MCM5: variants seen among roughly 807,000 people sequenced by gnomAD.
MCM5 encodes minichromosome maintenance complex component 5.
MCM5 carries 46 observed loss-of-function variants against 79.9 expected under a neutral mutation model. The ratio of observed to expected loss-of-function variants is 0.58; its 90% CI spans 0.45 to 0.74. The LOEUF is 0.74. Ranked by LOEUF, MCM5 falls within the 30% of genes least tolerant of loss-of-function variation. The pLI, the probability that MCM5 is intolerant of heterozygous loss-of-function variation, is 0.00. For synonymous variants in MCM5, 404 were observed against 390.5 expected (o/e 1.03, Z -0.41); for missense variants, 883 against 1,017.0 (o/e 0.87, Z 1.79).
intron 6 of MCM5, among the ~76,000 whole-genome samples, chr22:35,408,933 TC>T (rs1157437040): frequency 2.6e-5 from 4 of 151,280 alleles, no homozygotes; most frequent in Non-Finnish European, 5.9e-5. Flanking sequence ...CAAAGCCTCT[TC>T]CCAGCCTGAC....
At chr22:35,413,246 G>A (rs1033529854) in intron 8 of MCM5, among the ~76,000 whole-genome samples, 3 of 152,002 alleles carry the variant, frequency 2.0e-5, no homozygotes, top group African/African-American at 7.3e-5. Context: ...GGGTTTCACC[G>A]TGTTAGCCAG....
chr22:35,436,206 A>G, the MCM5 span, among the ~76,000 whole-genome samples: 1 of 151,700 alleles, frequency 6.6e-6, no homozygotes, highest in African/African-American at 2.4e-5. Flanking sequence ...ATGGAGGGAA[A>G]ATGGCTAGCC....
chr22:35,418,404 A>G (rs4645801), intron 13 of MCM5, among the ~76,000 whole-genome samples: 5,550 of 152,212 alleles, frequency 0.036, 118 homozygotes, highest in Non-Finnish European at 0.048. Flanking sequence ...CTCACGCTGT[A>G]ATCCCAGCAC....
chr22:35,403,765 T>C lies in MCM5; in HGVS notation c.423+223T>C, dbSNP rs563479715. Among the ~76,000 whole-genome samples, 10 of 152,342 alleles carry C rather than the reference T, an allele frequency of 6.6e-5. No individual in the cohort carries two copies. In the South Asian group the frequency reaches 1.9e-3, roughly 28 times the overall value. ...AATCCCATAAAGCTTCACCCAGATTTAATAATTAACATTTTGTGTTGTTTC... is the reference window on the plus strand; with the variant it reads ...AATCCCATAAAGCTTCACCCAGATTCAATAATTAACATTTTGTGTTGTTTC... On this transcript the variant is annotated intron_variant, in intron 4 of 16. Transcript: ENST00000216122.
At chr22:35,428,131 C>T (rs1261095339), downstream of MCM5, among the ~76,000 whole-genome samples, 3 of 151,562 alleles carry the variant, frequency 2.0e-5, no homozygotes, top group Non-Finnish European at 4.4e-5. Flanking sequence ...AGCGATTCTC[C>T]TGCCTCAGCC....
chr22:35,412,142 A>G (rs1601757160), intron 7 of MCM5, among the ~76,000 whole-genome samples: 1 of 151,968 alleles, frequency 6.6e-6, no homozygotes, highest in African/African-American at 2.4e-5. Flanking sequence ...GTTCGTCTCC[A>G]CCTTGCCCTA....
rs1932277954 is a variant in MCM5 at position 35,408,334 on chromosome 22, C to T, written c.597-74C>T. On this transcript the variant is annotated intron_variant, in intron 5 of 16. Coordinates refer to ENST00000216122, the MANE Select transcript of MCM5 (RefSeq NM_006739.4). ...GCCGCTGGCAACGTCTCCTTGCTGGCTCCTGGGATGAATGAGCCCTGCCTT... is the reference window on the plus strand; with the variant it reads ...GCCGCTGGCAACGTCTCCTTGCTGGTTCCTGGGATGAATGAGCCCTGCCTT... 38 of 1,461,448 alleles carry T rather than the reference C, an allele frequency of 2.6e-5. No individual in the cohort carries two copies. The South Asian group carries it at 3.4e-4, about 13-fold the overall frequency. The allele number at this position is 1,461,448 out of a possible 1,614,324, so 90.5% of individuals were successfully genotyped here. A position where few individuals can be genotyped will look rare whatever the true frequency, so the allele number is the denominator to read the frequency against.
chr22:35,407,296 C>T (rs1179165614), intron 5 of MCM5, among the ~76,000 whole-genome samples: 8 of 152,168 alleles, frequency 5.3e-5, no homozygotes, highest in Admixed American at 3.3e-4. Flanking sequence ...CCACCTGTGG[C>T]ACAGCTGCCT....
chr22:35,400,290 T>G (rs1175952475), intron 1 of MCM5, 82 bp downstream of exon 1: 4 of 841,096 alleles, frequency 4.8e-6, no homozygotes, highest in African/African-American at 1.7e-5. Context: ...GGACAGGAGT[T>G]TCTCGGGAAC....
rs143129675 is a variant in MCM5 at position 35,421,475 on chromosome 22, G to A, written c.1975+15G>A. On this transcript the variant is annotated intron_variant, in intron 15 of 16. Coordinates refer to ENST00000216122, the MANE Select transcript of MCM5 (RefSeq NM_006739.4). Reference sequence around the variant, plus strand: ...TACCCTGTCAGGTGAGCAGATGCAGGGGCCATGGTCTCAATTGATCTGGGT... The same window carrying A: ...TACCCTGTCAGGTGAGCAGATGCAGAGGCCATGGTCTCAATTGATCTGGGT... 12 of 1,613,946 alleles carry A rather than the reference G, an allele frequency of 7.4e-6. No individual in the cohort carries two copies. The highest frequency in any genetic ancestry group is 1.6e-4 in the Middle Eastern group (1 of 6,062).
chr22:35,405,105 A>G (rs897605994), intron 4 of MCM5, among the ~76,000 whole-genome samples: 8 of 147,906 alleles, frequency 5.4e-5, no homozygotes, highest in African/African-American at 1.0e-4. Context: ...AGCTCACTGC[A>G]ACTTCCGCCT....
rs1209643071 is a variant in MCM5, at chr22:35,400,173, T to C, written c.-44T>C. 3 of 471,540 alleles carry C rather than the reference T, an allele frequency of 6.4e-6. No individual in the cohort carries two copies. The highest frequency in any genetic ancestry group is 6.0e-5 in the African/African-American group (3 of 49,926). The allele number at this position is 471,540 out of a possible 1,614,324, so 29.2% of individuals were successfully genotyped here. ...CTCGGCGGCTGAGCGTGGAGGTTCT[T>C]GTCTCCCCTGGTTTGTGAAGTGCGG... On this transcript the variant is annotated 5_prime_UTR_variant, in exon 1 of 17. Coordinates refer to ENST00000216122, the MANE Select transcript of MCM5 (RefSeq NM_006739.4).
chr22:35,412,501 C>T lies in MCM5; in HGVS notation c.920-9C>T. 1 of 1,528,870 alleles carries T rather than the reference C, an allele frequency of 6.5e-7. No homozygotes were observed. The highest frequency in any genetic ancestry group is 8.8e-7 in the Non-Finnish European group (1 of 1,135,770). The allele number at this position is 1,528,870 out of a possible 1,614,324, so 94.7% of individuals were successfully genotyped here. ...TGTACTCACTCATGCGCCTGCTTTG[C>T]CTACCAAGGCCGCAGCTTTGCTGGG... On this transcript the variant is annotated splice_polypyrimidine_tract_variant and intron_variant, in intron 7 of 16. Coordinates refer to ENST00000216122, the MANE Select transcript of MCM5 (RefSeq NM_006739.4).
chr22:35,438,316 C>T, the MCM5 span, among the ~76,000 whole-genome samples: 1 of 80,090 alleles, frequency 1.2e-5, no homozygotes, highest in Admixed American at 1.2e-4. Flanking sequence ...TTCATCCGTT[C>T]ATCCGTCCAT....
At chr22:35,406,093 C>T (rs5755727) in intron 4 of MCM5, among the ~76,000 whole-genome samples, 86,188 of 151,866 alleles carry the variant, frequency 0.57, 24,797 homozygotes, top group Middle Eastern at 0.61. Context: ...GAAACTGAGG[C>T]TCAAAGAGAA....
the MCM5 span, among the ~76,000 whole-genome samples, chr22:35,440,892 T>C: frequency 6.6e-6 from 1 of 151,758 alleles, no homozygotes; most frequent in African/African-American, 2.4e-5. Context: ...ACCCCGTCTT[T>C]ACTAAAAAAA....
At chr22:35,438,982 T>C in the MCM5 span, among the ~76,000 whole-genome samples, 1 of 133,518 alleles carries the variant, frequency 7.5e-6, no homozygotes, top group Non-Finnish European at 1.6e-5. Flanking sequence ...CATCCATCCA[T>C]CTACCCACAT....
intron 2 of MCM5, among the ~76,000 whole-genome samples, chr22:35,402,436 C>A (rs1283579177): frequency 6.6e-6 from 1 of 151,430 alleles, no homozygotes; most frequent in Non-Finnish European, 1.5e-5. Context: ...AAGTGATTCT[C>A]CTGCCTCAGT....
intron 6 of MCM5, among the ~76,000 whole-genome samples, 156 bp downstream of exon 6, chr22:35,408,719 T>C (rs1028905008): frequency 1.3e-5 from 2 of 152,250 alleles, no homozygotes; most frequent in African/African-American, 4.8e-5. Context: ...AATGCTTCCA[T>C]AAGTTCCTCT....
Sources: allele counts gnomAD v4.1 joint callset (sites outside exome capture counted in the v4.1 genomes callset), GRCh38; gene constraint gnomAD v4.1.1; transcripts MANE v1.5; gene names NCBI Gene and HGNC (gene_info 2026-07-23, HGNC 2026-07-21).